Variants in ENPEP observed in about 807,000 individuals in gnomAD.
ENPEP encodes the protein AP-A.
Under a neutral mutation model 114.5 loss-of-function variants are expected in ENPEP, and 103 were observed. The observed-to-expected ratio is 0.90, with a 90% CI of 0.77 to 1.06. The LOEUF is 1.06. Among genes scored for constraint, ENPEP ranks in the 50% least tolerant of loss-of-function variants. ENPEP has a pLI of 0.00. For missense variants in ENPEP, 1,196 were observed against 1,161.3 expected (o/e 1.03, Z -0.43); for synonymous variants, 420 against 422.0 (o/e 1.00, Z 0.06).
At chr4:110,477,678 T>C (rs1346182841) in intron 1 of ENPEP, among the ~76,000 whole-genome samples, 1 of 152,138 alleles carries the variant, frequency 6.6e-6, no homozygotes, top group East Asian at 1.9e-4. Context: ...TTTCAGGAAA[T>C]ATTCATTGAG....
intron 18 of ENPEP, chr4:110,559,274 A>T (rs1727596982): frequency 1.2e-5 from 2 of 164,712 alleles, no homozygotes; most frequent in Admixed American, 1.3e-4. Flanking sequence ...GCTGCAGCTG[A>T]ACATTGTGCT....
chr4:110,518,976 C>T, intron 8 of ENPEP: 1 of 420,818 alleles, frequency 2.4e-6, no homozygotes, highest in Non-Finnish European at 4.8e-6. Flanking sequence ...ATTTGATTTA[C>T]CAAATATTCA....
chr4:110,527,318 A>G (rs929773738), intron 10 of ENPEP, among the ~76,000 whole-genome samples: 9 of 152,282 alleles, frequency 5.9e-5, no homozygotes, highest in African/African-American at 2.2e-4. Context: ...TCAGACACCC[A>G]GCCTCCCACA....
At chr4:110,525,219 G>T (rs972927992) in intron 10 of ENPEP, among the ~76,000 whole-genome samples, 5 of 152,046 alleles carry the variant, frequency 3.3e-5, no homozygotes, top group Non-Finnish European at 7.3e-5. Flanking sequence ...GTATTTCTTG[G>T]GTGCCAGCTG....
intron 8 of ENPEP, among the ~76,000 whole-genome samples, chr4:110,516,558 C>T (rs891174740): frequency 1.3e-5 from 2 of 152,094 alleles, no homozygotes; most frequent in Non-Finnish European, 2.9e-5. Flanking sequence ...GAAATGCCCC[C>T]TGCTGGCTGC....
At chr4:110,554,756 T>C (rs371760417) in intron 18 of ENPEP, among the ~76,000 whole-genome samples, 1 of 152,038 alleles carries the variant, frequency 6.6e-6, no homozygotes, top group Non-Finnish European at 1.5e-5. Flanking sequence ...GAAAAGACCA[T>C]ACAACTATCT....
chr4:110,506,560 A>G (rs947375463), intron 3 of ENPEP, 77 bp from the exon 4 acceptor site: 36 of 1,454,826 alleles, frequency 2.5e-5, no homozygotes, highest in Non-Finnish European at 3.1e-5. Flanking sequence ...TCTTTCAAGT[A>G]TGTTATGCAT....
Position 110,549,359 on chromosome 4 carries a change from G to A in ENPEP, c.2165G>A (p.Gly722Asp). 6.2e-7 allele frequency: 1 copy of A among 1,612,918 alleles called. No individual in the cohort carries two copies. The highest frequency in any genetic ancestry group is 1.1e-5 in the South Asian group (1 of 91,056). Reference sequence around the variant, plus strand: ...CTTTTATTTCAGGAATACTTCCAAGGTCAAGTGAAGCCTATTGCAGATTCT... The same window carrying A: ...CTTTTATTTCAGGAATACTTCCAAGATCAAGTGAAGCCTATTGCAGATTCT... ...LYPMIEEYFQ[G>D]QVKPIADSLG... The change falls in exon 15 of 20, where the codon GGT (glycine) becomes GAT (aspartate). Residue 722 changes from glycine to aspartate, a missense_variant. Transcript: ENST00000265162.
At chr4:110,516,016 A>G (rs1009820543) in intron 8 of ENPEP, 17 of 287,606 alleles carry the variant, frequency 5.9e-5, no homozygotes, top group South Asian at 4.7e-4. Context: ...TCTAAATACT[A>G]TCACACTGGG....
intron 18 of ENPEP, among the ~76,000 whole-genome samples, chr4:110,558,241 G>A (rs1727553919): frequency 7.0e-6 from 1 of 142,672 alleles, no homozygotes; most frequent in African/African-American, 2.6e-5. Context: ...TATATATATA[G>A]GAATGGAAAC....
chr4:110,522,554 G>A (rs979320798), intron 10 of ENPEP, among the ~76,000 whole-genome samples: 4 of 152,046 alleles, frequency 2.6e-5, no homozygotes, highest in South Asian at 2.1e-4. Flanking sequence ...GAGGACACAA[G>A]GATTCTGATT....
In ENPEP at chr4:110,476,877, G is replaced by A. The variant is rs779152820; in HGVS notation, c.463G>A (p.Val155Met). Reference sequence around the variant, plus strand: ...GCTGAAGAGGCCCTCTGGGGACCAGGTGCAAGTCCGGAGGTGTTTCGAGTA... The same window carrying A: ...GCTGAAGAGGCCCTCTGGGGACCAGATGCAAGTCCGGAGGTGTTTCGAGTA... ...PELKRPSGDQ[V>M]QVRRCFEYKK... Residue 155 changes from valine (V) to methionine (M), a missense_variant, in exon 1 of 20, where the codon GTG becomes ATG. Transcript: ENST00000265162. 3.1e-6 allele frequency: 5 copies of A among 1,613,992 alleles called. No homozygotes were observed. In the South Asian group the frequency reaches 5.5e-5, roughly 18 times the overall value.
rs151020902 is a variant in ENPEP at position 110,524,529 on chromosome 4, C to A, written c.1727+4163C>A. Among the ~76,000 whole-genome samples, 738 of 152,240 alleles carry A rather than the reference C, an allele frequency of 4.8e-3. 9 individuals carry two copies. The highest frequency in any genetic ancestry group is 0.017 in the African/African-American group (704 of 41,556). On this transcript the variant is annotated intron_variant, in intron 10 of 19. Coordinates refer to ENST00000265162, the MANE Select transcript of ENPEP (RefSeq NM_001977.4). ...CAAAATACAAACACCACCAAAGAAGCAGATTTATAAGTCTAATTAAAATTT... is the reference window on the plus strand; with the variant it reads ...CAAAATACAAACACCACCAAAGAAGAAGATTTATAAGTCTAATTAAAATTT...
chr4:110,496,934 T>C (rs1229232416), intron 3 of ENPEP, among the ~76,000 whole-genome samples: 1 of 152,246 alleles, frequency 6.6e-6, no homozygotes. Flanking sequence ...TTCTGTTTTT[T>C]AGAAGCAATC....
rs948800815 is a variant in ENPEP, at chr4:110,539,007, C to T, written c.1808-3744C>T. On this transcript the variant is annotated intron_variant, in intron 11 of 19. Transcript: ENST00000265162. ...GGGTGTGGTTCGTGGCTCCCCAAAA[C>T]AATTGCAATAGTAAAATCAAAAATC... Among the ~76,000 whole-genome samples the T allele has an allele frequency of 2.0e-5, 3 of 152,100 alleles. No homozygotes were observed. In the South Asian group the frequency reaches 6.2e-4, roughly 32 times the overall value.
At chr4:110,484,767 ATAT>A (rs58042956) in intron 1 of ENPEP, among the ~76,000 whole-genome samples, 2,245 of 104,272 alleles carry the variant, frequency 0.022, 54 homozygotes, top group African/African-American at 0.079. Context: ...TATATATATT[ATAT>A]TATATATATA....
chr4:110,548,036 CT>C, intron 13 of ENPEP, 139 bp from the exon 14 acceptor site: 2 of 993,952 alleles, frequency 2.0e-6, no homozygotes, highest in East Asian at 3.0e-5. Flanking sequence ...AATGCAATTT[CT>C]TGATTGTTGA....
At chr4:110,561,325 C>T (rs192514327) in intron 19 of ENPEP, 81 bp from the exon 20 acceptor site, 1 of 1,471,626 alleles carries the variant, frequency 6.8e-7, no homozygotes, top group East Asian at 2.3e-5. Flanking sequence ...AAGAAGAAAG[C>T]AAATCCAGTT....
chr4:110,511,830 C>T (rs1383916845), intron 6 of ENPEP, among the ~76,000 whole-genome samples: 1 of 150,958 alleles, frequency 6.6e-6, no homozygotes, highest in East Asian at 2.0e-4. Context: ...GTGGAGCAAT[C>T]TCGGGTCACT....
Sources: gnomAD v4.1 joint callset for allele counts (sites outside exome capture counted in the v4.1 genomes callset) on GRCh38, gnomAD v4.1.1 for gene constraint, MANE v1.5 for transcripts, NCBI Gene and HGNC (gene_info 2026-07-23, HGNC 2026-07-21) for gene names.